PRKAR1A: variants seen among roughly 807,000 people sequenced by gnomAD.
PRKAR1A encodes protein kinase cAMP-dependent type I regulatory subunit alpha, also known as cAMP-dependent protein kinase type I-alpha regulatory subunit.
PRKAR1A carries 3 observed loss-of-function variants against 52.0 expected under a neutral mutation model. That is an observed-to-expected ratio of 0.06 (90% CI 0.03 to 0.15). PRKAR1A has a LOEUF of 0.15. Ranked by LOEUF, PRKAR1A falls within the 10% of genes least tolerant of loss-of-function variation. The probability of loss-of-function intolerance (pLI) is 1.00; values close to 1 mark genes in which losing one functional copy is unlikely to be tolerated. For missense variants in PRKAR1A, 240 were observed against 477.4 expected (o/e 0.50, Z 4.63); for synonymous variants, 188 against 168.4 (o/e 1.12, Z -0.90).
chr17:68,534,452 T>G (rs1600504641), downstream of PRKAR1A, among the ~76,000 whole-genome samples: 2 of 152,222 alleles, frequency 1.3e-5, no homozygotes, highest in African/African-American at 4.8e-5. Context: ...AGCTGGGAAG[T>G]GAAAAGTTTG....
chr17:68,445,731 CA>C, the PRKAR1A span, among the ~76,000 whole-genome samples: 1 of 152,216 alleles, frequency 6.6e-6, no homozygotes, highest in Non-Finnish European at 1.5e-5. Context: ...TAGCCCAGTA[CA>C]AGGGCAGACA....
the PRKAR1A span, among the ~76,000 whole-genome samples, chr17:68,495,075 C>A: frequency 1.3e-5 from 2 of 152,142 alleles, no homozygotes; most frequent in Non-Finnish European, 2.9e-5. Flanking sequence ...GGGTCTTGCT[C>A]TGTTTCCCAG....
At chr17:68,475,261 T>A in the PRKAR1A span, among the ~76,000 whole-genome samples, 1 of 152,244 alleles carries the variant, frequency 6.6e-6, no homozygotes, top group Non-Finnish European at 1.5e-5. Flanking sequence ...AAGAATTTCC[T>A]TGGCATCAGG....
chr17:68,543,659 T>C, intron 11 of PRKAR1A: 1 of 1,614,132 alleles, frequency 6.2e-7, no homozygotes. Flanking sequence ...GATCTCAGCA[T>C]TGTGTCTCTG....
Position 68,524,892 on chromosome 17 carries a change from AC to A in PRKAR1A, c.503-19del. ...TTCTTTAATTTGGAATATGCTTCTA[AC>A]TTTTTTACCCTCTTTTAGGTGATGA... is the stretch of plus-strand genomic sequence containing the variant. On this transcript the variant is annotated intron_variant, in intron 5 of 10. Transcript: ENST00000589228. 1 of 1,588,612 alleles carries A rather than the reference AC, an allele frequency of 6.3e-7. No homozygotes were observed. The highest frequency in any genetic ancestry group is 8.6e-7 in the Non-Finnish European group (1 of 1,157,172).
the PRKAR1A span, chr17:68,420,495 C>T: frequency 3.6e-3 from 5,725 of 1,594,028 alleles, 181 homozygotes; most frequent in African/African-American, 0.068. Context: ...AGGAGGAGTA[C>T]CTGGAAATTA....
At chr17:68,421,955 C>A in the PRKAR1A span, 1 of 1,041,092 alleles carries the variant, frequency 9.6e-7, no homozygotes, top group Non-Finnish European at 1.5e-6. Flanking sequence ...TGTCTGAACT[C>A]GCTCATGGCC....
chr17:68,427,233 G>A, the PRKAR1A span: 1 of 1,613,832 alleles, frequency 6.2e-7, no homozygotes, highest in Non-Finnish European at 8.5e-7. Flanking sequence ...ATTCTCTTCT[G>A]TTGTTCCTGA....
At chr17:68,421,629 G>C in the PRKAR1A span, 3 of 1,155,872 alleles carry the variant, frequency 2.6e-6, no homozygotes, top group African/African-American at 1.5e-5. Context: ...GAGTTAACCA[G>C]GTCCTGTGGT....
intron 11 of PRKAR1A, chr17:68,540,089 T>A: frequency 2.5e-6 from 2 of 795,666 alleles, no homozygotes; most frequent in Admixed American, 4.0e-5. Context: ...TGAACGAAGC[T>A]GGGCCTCACA....
rs940195479 is a variant in PRKAR1A, at chr17:68,531,918, C to T, written c.*1469C>T. On this transcript the variant is annotated 3_prime_UTR_variant, in exon 11 of 11. Transcript: ENST00000589228. ...AATGTAGGGTTATATTTGGGAGTGA[C>T]TGCAAGCATTTTTCCATCTGTGTGC... is the stretch of plus-strand genomic sequence containing the variant. The T allele has an allele frequency of 4.7e-6, 5 of 1,063,622 alleles. No individual in the cohort carries two copies. Among genetic ancestry groups the T allele is most frequent in the Non-Finnish European group, 5.7e-6 (5 of 877,476 alleles). The allele number at this position is 1,063,622 out of a possible 1,614,324, so 65.9% of individuals were successfully genotyped here.
intron 6 of PRKAR1A, among the ~76,000 whole-genome samples, 162 bp downstream of exon 6, chr17:68,525,120 T>G (rs1475197409): frequency 2.0e-5 from 3 of 152,116 alleles, no homozygotes; most frequent in Non-Finnish European, 2.9e-5. Flanking sequence ...AGAAACTCTT[T>G]AAAGGTAATT....
chr17:68,486,572 C>CT, the PRKAR1A span, among the ~76,000 whole-genome samples: 1 of 130,116 alleles, frequency 7.7e-6, no homozygotes, highest in Non-Finnish European at 1.6e-5. Context: ...TTTCTTTCTT[C>CT]TTTCCTTCCT....
chr17:68,440,454 A>G, the PRKAR1A span, among the ~76,000 whole-genome samples: 1 of 152,238 alleles, frequency 6.6e-6, no homozygotes, highest in South Asian at 2.1e-4. Context: ...TGTATAATAT[A>G]AAAGTGATGG....
At chr17:68,428,846 GAC>G in the PRKAR1A span, 1 of 1,613,736 alleles carries the variant, frequency 6.2e-7, no homozygotes, top group South Asian at 1.1e-5. Context: ...TTTTGATTAA[GAC>G]ACACTCTCCT....
At chr17:68,518,303 T>G (rs2085494995) in intron 2 of PRKAR1A, among the ~76,000 whole-genome samples, 1 of 152,210 alleles carries the variant, frequency 6.6e-6, no homozygotes, top group East Asian at 1.9e-4. Flanking sequence ...CGACCCCACA[T>G]TTCCCTTCCG....
intron 11 of PRKAR1A, among the ~76,000 whole-genome samples, chr17:68,548,849 C>T (rs1415053264): frequency 1.3e-5 from 2 of 150,188 alleles, no homozygotes; most frequent in African/African-American, 2.5e-5. Flanking sequence ...TCTCCTGCCT[C>T]AGCCTCCCGA....
chr17:68,418,870 T>C, the PRKAR1A span, among the ~76,000 whole-genome samples: 33 of 152,340 alleles, frequency 2.2e-4, 1 homozygote, highest in East Asian at 6.0e-3. Flanking sequence ...TCATTAATGT[T>C]TGGCTGCTGC....
the PRKAR1A span, among the ~76,000 whole-genome samples, chr17:68,416,792 GA>G: frequency 6.6e-6 from 1 of 151,618 alleles, no homozygotes; most frequent in Non-Finnish European, 1.5e-5. Context: ...TGCATTACTA[GA>G]AGTATGTCCA....
Sources: gnomAD v4.1 joint callset for allele counts (sites outside exome capture counted in the v4.1 genomes callset) on GRCh38, gnomAD v4.1.1 for gene constraint, MANE v1.5 for transcripts, NCBI Gene and HGNC (gene_info 2026-07-23, HGNC 2026-07-21) for gene names.